Variants in ERGIC2 observed in about 807,000 individuals in gnomAD.
The protein encoded by ERGIC2 is endoplasmic reticulum-Golgi intermediate compartment protein 2.
ERGIC2 carries 31 observed loss-of-function variants against 52.5 expected under a neutral mutation model. The observed-to-expected ratio is 0.59, with a 90% CI of 0.44 to 0.80. ERGIC2 has a LOEUF of 0.80. ERGIC2 is among the 30% of genes least tolerant of loss of function. The probability of loss-of-function intolerance (pLI) is 0.00; values close to 1 mark genes in which losing one functional copy is unlikely to be tolerated. For missense variants in ERGIC2, 395 were observed against 455.2 expected (o/e 0.87, Z 1.20); for synonymous variants, 129 against 140.6 (o/e 0.92, Z 0.58).
chr12:29,339,870 TTTCC>T lies in ERGIC2; in HGVS notation c.*1282_*1285del. On this transcript the variant is annotated 3_prime_UTR_variant, in exon 14 of 14. Transcript: ENST00000360150. ...ATTTACCTGGAATTTTGTTTCCCCA[TTTCC>T]TTAAATGATTTAAACTTTGAGGATT... is the stretch of plus-strand genomic sequence containing the variant. 1 of 152,310 alleles carries T rather than the reference TTTCC, an allele frequency of 6.6e-6. No individual in the cohort carries two copies. Among genetic ancestry groups the T allele is most frequent in the East Asian group, 1.9e-4 (1 of 5,180 alleles). 9.4% of individuals were successfully genotyped at this position (152,310 alleles called of 1,614,324 possible).
intron 5 of ERGIC2, among the ~76,000 whole-genome samples, chr12:29,363,174 C>T (rs1940309927): frequency 6.6e-6 from 1 of 152,170 alleles, no homozygotes; most frequent in African/African-American, 2.4e-5. Context: ...AACCAATACA[C>T]AAATTCAGCT....
At chr12:29,370,070 C>T (rs1269174629) in intron 3 of ERGIC2, 44 bp downstream of exon 3, 15 of 1,443,168 alleles carry the variant, frequency 1.0e-5, no homozygotes, top group Non-Finnish European at 1.4e-5. Flanking sequence ...CTTTTTAAAA[C>T]AATTTGAATC....
At chr12:29,379,242 C>A (rs146466653) in intron 1 of ERGIC2, among the ~76,000 whole-genome samples, 27 of 152,110 alleles carry the variant, frequency 1.8e-4, no homozygotes, top group African/African-American at 6.3e-4. Flanking sequence ...AGGTCAGGGA[C>A]ACATGAAATA....
Position 29,371,580 on chromosome 12 carries a change from G to A in ERGIC2, c.54C>T (p.Ala18=), listed in dbSNP as rs756596989. 4.3e-6 allele frequency: 7 copies of A among 1,613,372 alleles called. No homozygotes were observed. The African/African-American group carries it at 6.7e-5, about 15-fold the overall frequency. ...KTLSLVKELD[A]FPKVPESYVE... is the part of the protein sequence containing the mutation. ...CATAGCTCTCAGGAACCTTCGGAAA[G>A]GCATCCAACTCTTTTACCAAACTTA... Residue 18 remains alanine (A), a synonymous_variant, in exon 2 of 14, where the codon GCC becomes GCT. Coordinates refer to ENST00000360150, the MANE Select transcript of ERGIC2 (RefSeq NM_016570.3).
At position 29,356,465 on chromosome 12, in the gene ERGIC2, T is replaced by C. The variant is rs1352115772; in HGVS notation, c.489A>G (p.Ser163=). ...TTCTGCATGCATTTGGAGACTGTGA[T>C]GAATCATCTTCTCTGTTAAAATAAG... ...STALPPREDD[S]SQSPNACRIH... is the part of the protein sequence containing the mutation. Residue 163 remains serine (S), a synonymous_variant, in exon 8 of 14, where the codon TCA becomes TCG. Transcript: ENST00000360150. 5 of 1,563,516 alleles carry C rather than the reference T, an allele frequency of 3.2e-6. No homozygotes were observed. Among genetic ancestry groups the C allele is most frequent in the African/African-American group, 2.7e-5 (2 of 73,896 alleles).
At position 29,356,452 on chromosome 12, in the gene ERGIC2, T is replaced by C. The variant is rs2136863191; in HGVS notation, c.502A>G (p.Asn168Asp). The C allele has an allele frequency of 1.3e-6, 2 of 1,595,608 alleles. No individual in the cohort carries two copies. Among genetic ancestry groups the C allele is most frequent in the Non-Finnish European group, 1.7e-6 (2 of 1,163,356 alleles). Residue 168 changes from asparagine to aspartate, a missense_variant, in exon 8 of 14, where the codon AAT (asparagine) becomes GAT (aspartate). By Grantham distance (23) the Asn-to-Asp change is conservative. Transcript: ENST00000360150. Reference protein sequence around the residue: ...PREDDSSQSPNACRIHGHLYV... With the variant: ...PREDDSSQSPDACRIHGHLYV... The stretch of plus-strand genomic sequence containing the variant: ...AGATGGCCATGAATTCTGCATGCAT[T>C]TGGAGACTGTGATGAATCATCTTCT...
chr12:29,349,054 C>T, intron 10 of ERGIC2, 25 bp downstream of exon 10: 1 of 1,269,450 alleles, frequency 7.9e-7, no homozygotes, highest in Non-Finnish European at 1.1e-6. Flanking sequence ...CATGTAAAAT[C>T]CAACAATAAT....
intron 5 of ERGIC2, among the ~76,000 whole-genome samples, chr12:29,363,075 GA>G (rs1365545253): frequency 6.6e-6 from 1 of 152,108 alleles, no homozygotes; most frequent in Non-Finnish European, 1.5e-5. Flanking sequence ...ACCACCTCGT[GA>G]ATTTTTTACT....
chr12:29,372,662 TTTC>T (rs1460202016), intron 1 of ERGIC2: 7 of 146,802 alleles, frequency 4.8e-5, no homozygotes, highest in African/African-American at 5.1e-5. Flanking sequence ...ATCTTTTTTT[TTTC>T]TTTTTTTGAG....
chr12:29,349,879 T>G (rs909626939), intron 9 of ERGIC2, 134 bp downstream of exon 9: 1 of 588,596 alleles, frequency 1.7e-6, no homozygotes, highest in African/African-American at 1.9e-5. Context: ...AGTAAATCAA[T>G]TTAAAAATTT....
intron 10 of ERGIC2, among the ~76,000 whole-genome samples, chr12:29,348,064 A>T (rs1218470830): frequency 2.0e-5 from 3 of 152,178 alleles, no homozygotes; most frequent in Non-Finnish European, 2.9e-5. Flanking sequence ...ACATATGCTT[A>T]GATTACAGAT....
chr12:29,349,452 G>A (rs574104022), intron 9 of ERGIC2, among the ~76,000 whole-genome samples: 11 of 151,890 alleles, frequency 7.2e-5, no homozygotes, highest in African/African-American at 2.7e-4. Context: ...TATAATGAAA[G>A]CCAAAAATAT....
At chr12:29,373,476 G>C (rs1446057266) in intron 1 of ERGIC2, among the ~76,000 whole-genome samples, 1 of 152,062 alleles carries the variant, frequency 6.6e-6, no homozygotes, top group Non-Finnish European at 1.5e-5. Flanking sequence ...AAATCTAATG[G>C]GGAGGATTAA....
chr12:29,360,257 A>C (rs1326533951), intron 6 of ERGIC2, among the ~76,000 whole-genome samples: 1 of 151,980 alleles, frequency 6.6e-6, no homozygotes, highest in Non-Finnish European at 1.5e-5. Context: ...AAACATGTAC[A>C]GAATTAGGTT....
At chr12:29,343,067 T>C in intron 12 of ERGIC2, 53 bp downstream of exon 12, 7 of 1,455,464 alleles carry the variant, frequency 4.8e-6, no homozygotes, top group Non-Finnish European at 6.5e-6. Context: ...AAGAAGCAAC[T>C]TAAGTATAAG....
At chr12:29,346,303 C>T (rs144523430) in intron 10 of ERGIC2, among the ~76,000 whole-genome samples, 3,660 of 151,730 alleles carry the variant, frequency 0.024, 65 homozygotes, top group Middle Eastern at 0.048. Context: ...ATCCTCCCGC[C>T]TCAGCCTCCT....
At chr12:29,365,587 T>C (rs757350411) in intron 5 of ERGIC2, among the ~76,000 whole-genome samples, 1 of 151,478 alleles carries the variant, frequency 6.6e-6, no homozygotes, top group East Asian at 1.9e-4. Context: ...AACCTTCACA[T>C]GTACTCCATG....
chr12:29,358,231 A>G (rs1291874655), intron 6 of ERGIC2, among the ~76,000 whole-genome samples: 4 of 152,220 alleles, frequency 2.6e-5, no homozygotes, highest in Non-Finnish European at 5.9e-5. Context: ...CCATTGAGCC[A>G]TGTTAACTCC....
At chr12:29,344,967 T>C (rs1940026020) in intron 11 of ERGIC2, among the ~76,000 whole-genome samples, 1 of 152,170 alleles carries the variant, frequency 6.6e-6, no homozygotes, top group African/African-American at 2.4e-5. Flanking sequence ...CACAATCAGA[T>C]GAATACAAAG....
Sources: gnomAD v4.1 joint callset for allele counts (sites outside exome capture counted in the v4.1 genomes callset) on GRCh38, gnomAD v4.1.1 for gene constraint, MANE v1.5 for transcripts, NCBI Gene and HGNC (gene_info 2026-07-23, HGNC 2026-07-21) for gene names.